TMPRSS13: variants seen among roughly 807,000 people sequenced by gnomAD.
TMPRSS13 encodes the protein transmembrane protease serine 13.
TMPRSS13 carries 50 observed loss-of-function variants against 68.4 expected under a neutral mutation model. The observed-to-expected ratio is 0.73, with a 90% CI of 0.58 to 0.93. The LOEUF (loss-of-function observed/expected upper bound fraction) is 0.93, where lower values mean the gene tolerates loss of function less well. TMPRSS13 is among the 40% of genes least tolerant of loss of function. The pLI is 0.00. For synonymous variants in TMPRSS13, 267 were observed against 285.8 expected (o/e 0.93, Z 0.66); for missense variants, 615 against 729.2 (o/e 0.84, Z 1.80).
intron 6 of TMPRSS13, 128 bp from the exon 7 acceptor site, chr11:117,910,878 G>T (rs2057516372): frequency 2.5e-6 from 2 of 814,276 alleles, no homozygotes; most frequent in East Asian, 5.4e-5. Flanking sequence ...CAGGAAGCAG[G>T]AGATTCTGAG....
Position 117,905,720 on chromosome 11 carries a change from A to G in TMPRSS13, c.1299T>C (p.Ala433=). The G allele has an allele frequency of 6.2e-7, 1 of 1,601,254 alleles. No homozygotes were observed. Among genetic ancestry groups the G allele is most frequent in the Non-Finnish European group, 8.5e-7 (1 of 1,172,320 alleles). Residue 433 remains alanine, a synonymous_variant, in exon 10 of 13, where the codon GCT becomes GCC. Transcript: ENST00000524993. ...AGGTCTGTCCATGCATGGGGAGGCA[A>G]GCAGGGTGGATGTGAGCTGCAACAA... ...PLTLSAHIHP[A]CLPMHGQTFS...
chr11:117,903,318 C>T (rs2057426748), intron 12 of TMPRSS13: 5 of 1,415,604 alleles, frequency 3.5e-6, no homozygotes, highest in Non-Finnish European at 4.8e-6. Flanking sequence ...AAAACTATCA[C>T]AAAATCCTCT....
chr11:117,903,587 C>T (rs775519444), intron 12 of TMPRSS13, 68 bp downstream of exon 12: 1 of 1,609,632 alleles, frequency 6.2e-7, no homozygotes, highest in Admixed American at 1.7e-5. Flanking sequence ...CCTGGGTGCT[C>T]CTCCAGGGTC....
intron 1 of TMPRSS13, among the ~76,000 whole-genome samples, chr11:117,923,948 T>G (rs1210778028): frequency 6.6e-6 from 1 of 151,680 alleles, no homozygotes; most frequent in African/African-American, 2.4e-5. Flanking sequence ...TTCAGTCCAG[T>G]TTAAGCCAAT....
At chr11:117,902,693 C>G (rs1255006571) in intron 12 of TMPRSS13, among the ~76,000 whole-genome samples, 7 of 152,248 alleles carry the variant, frequency 4.6e-5, no homozygotes, top group African/African-American at 1.4e-4. Context: ...TCGGTCATCC[C>G]TGGGAGAGGA....
At position 117,902,144 on chromosome 11, in the gene TMPRSS13, GGT is replaced by G. The variant is rs2057415087; in HGVS notation, c.*93_*94del. On this transcript the variant is annotated 3_prime_UTR_variant, in exon 13 of 13. Transcript: ENST00000524993. ...TGGAGGTGGGAGTCCGATGGTGCCC[GGT>G]GGCCATTAGCCCAGATGATGCCACA... The G allele has an allele frequency of 7.1e-7, 1 of 1,403,568 alleles. No individual in the cohort carries two copies. Among genetic ancestry groups the G allele is most frequent in the Non-Finnish European group, 1.0e-6 (1 of 1,002,600 alleles). 86.9% of individuals were successfully genotyped at this position (1,403,568 alleles called of 1,614,324 possible). A position where few individuals can be genotyped will look rare whatever the true frequency, so the allele number is the denominator to read the frequency against.
chr11:117,923,086 G>A (rs1318243793), intron 1 of TMPRSS13, among the ~76,000 whole-genome samples: 1 of 152,146 alleles, frequency 6.6e-6, no homozygotes, highest in Non-Finnish European at 1.5e-5. Context: ...TCTTTCCAAA[G>A]CCTGTCCCTG....
At chr11:117,925,295 G>C (rs1256136620) in intron 1 of TMPRSS13, among the ~76,000 whole-genome samples, 1 of 152,238 alleles carries the variant, frequency 6.6e-6, no homozygotes, top group Admixed American at 6.5e-5. Flanking sequence ...GCCAGAGTAA[G>C]TGCTGAAGTC....
intron 6 of TMPRSS13, among the ~76,000 whole-genome samples, chr11:117,911,305 G>A (rs1220312651): frequency 6.6e-6 from 1 of 152,168 alleles, no homozygotes; most frequent in Non-Finnish European, 1.5e-5. Context: ...TGCACCTGGC[G>A]GTCCCCTACT....
chr11:117,926,921 T>C (rs2057713321), intron 1 of TMPRSS13, among the ~76,000 whole-genome samples: 1 of 152,234 alleles, frequency 6.6e-6, no homozygotes, highest in South Asian at 2.1e-4. Flanking sequence ...AAATGAGCCT[T>C]ACTATGGGAA....
intron 2 of TMPRSS13, 59 bp from the exon 3 acceptor site, chr11:117,917,333 G>C: frequency 7.4e-7 from 1 of 1,357,982 alleles, no homozygotes; most frequent in South Asian, 1.2e-5. Context: ...ACGAGATGGA[G>C]AGGGTGGGGG....
intron 1 of TMPRSS13, among the ~76,000 whole-genome samples, chr11:117,924,429 G>A (rs118191374): frequency 0.05 from 7,675 of 152,050 alleles, 281 homozygotes; most frequent in East Asian, 0.18. Context: ...CCGTGGCAGC[G>A]TCCCTTTTCC....
At position 117,910,758 on chromosome 11, in the gene TMPRSS13, G is replaced by T; in HGVS notation, c.903-8C>A. On this transcript the variant is annotated splice_region_variant and splice_polypyrimidine_tract_variant and intron_variant, in intron 6 of 12. Transcript: ENST00000524993. Reference sequence around the variant, plus strand: ...TGGGAAGGGCATTCAGACCTGCAGGGGGAGACACAGAAAGTGGGAAAAGGG... The same window carrying T: ...TGGGAAGGGCATTCAGACCTGCAGGTGGAGACACAGAAAGTGGGAAAAGGG... 1 of 1,605,214 alleles carries T rather than the reference G, an allele frequency of 6.2e-7. No homozygotes were observed. Among genetic ancestry groups the T allele is most frequent in the East Asian group, 2.2e-5 (1 of 44,562 alleles).
In TMPRSS13 at chr11:117,917,265, AGGCTCGTACCTAGGAGCAGGGC is replaced by A. The variant is rs2057588492; in HGVS notation, c.452-13_460del. 6.2e-7 allele frequency: 1 copy of A among 1,612,132 alleles called. No homozygotes were observed. ...GCCCTCCCGCCAGGTGAACTTGGGC[AGGCTCGTACCTAGGAGCAGGGC>A]GGCAGCAGGGGAATATGAGGCTGGA... On this transcript the variant is annotated splice_acceptor_variant and splice_polypyrimidine_tract_variant and coding_sequence_variant and intron_variant, in exon 3 of 13. Transcript: ENST00000524993. LOFTEE classifies it high-confidence loss of function.
At chr11:117,913,096 A>T (rs1280801950) in intron 5 of TMPRSS13, among the ~76,000 whole-genome samples, 1 of 151,400 alleles carries the variant, frequency 6.6e-6, no homozygotes, top group Non-Finnish European at 1.5e-5. Flanking sequence ...GAGATCTTAA[A>T]CTCCTCTCCC....
In TMPRSS13 at chr11:117,914,912, T is replaced by C. The variant is rs889769059; in HGVS notation, c.557-398A>G. 6.6e-5 allele frequency among the ~76,000 whole-genome samples: 10 copies of C among 152,300 alleles called. No individual in the cohort carries two copies. Among genetic ancestry groups the C allele is most frequent in the Admixed American group, 4.6e-4 (7 of 15,290 alleles). ...CCCCTCTGCCATCCCATCTTCTCTG[T>C]GCTCCGCAGGGTCACAGCAGATAAA... On this transcript the variant is annotated intron_variant, in intron 3 of 12. Transcript: ENST00000524993. This position sits in a 1 kb window ranked among gnomAD's most constrained non-coding sequence, Gnocchi z 4.2.
intron 3 of TMPRSS13, among the ~76,000 whole-genome samples, chr11:117,916,166 G>A (rs2057576285): frequency 6.6e-6 from 1 of 152,120 alleles, no homozygotes; most frequent in Non-Finnish European, 1.5e-5. Context: ...CTTACTCTTT[G>A]GCCTGGGGTT....
intron 1 of TMPRSS13, among the ~76,000 whole-genome samples, chr11:117,925,598 G>T (rs1308978617): frequency 2.0e-5 from 3 of 151,898 alleles, no homozygotes; most frequent in African/African-American, 7.3e-5. Context: ...TAAAGTTTTG[G>T]GTATTGCTTC....
At chr11:117,909,992 T>C (rs1359244299) in intron 7 of TMPRSS13, 24 bp from the exon 8 acceptor site, 2 of 1,605,046 alleles carry the variant, frequency 1.2e-6, no homozygotes, top group East Asian at 2.2e-5. Context: ...GTAGACGTAC[T>C]GTGAACCCTG....
Sources: allele counts gnomAD v4.1 joint callset (sites outside exome capture counted in the v4.1 genomes callset), GRCh38; gene constraint gnomAD v4.1.1; non-coding constraint Gnocchi (gnomAD v3.1); transcripts MANE v1.5; gene names NCBI Gene and HGNC (gene_info 2026-07-23, HGNC 2026-07-21).